The following PTPRD variants were observed in gnomAD, a reference collection of about 807,000 sequenced individuals.
PTPRD encodes receptor-type tyrosine-protein phosphatase delta.
PTPRD carries 34 observed loss-of-function variants against 214.5 expected under a neutral mutation model. The ratio of observed to expected loss-of-function variants is 0.16; its 90% CI spans 0.12 to 0.21. PTPRD has a LOEUF of 0.21. Among genes scored for constraint, PTPRD ranks in the 10% least tolerant of loss-of-function variants. The probability of loss-of-function intolerance (pLI) is 1.00; values close to 1 mark genes in which losing one functional copy is unlikely to be tolerated. For missense variants in PTPRD, 2,545 were observed against 2,398.7 expected, an observed-to-expected ratio of 1.06 and a Z score of -1.27; for synonymous variants, 1,128 against 845.7, an observed-to-expected ratio of 1.33 and a Z score of -5.79.
intron 9 of PTPRD, among the ~76,000 whole-genome samples, chr9:9,350,318 G>T (rs184483229): frequency 2.6e-5 from 4 of 152,126 alleles, no homozygotes; most frequent in African/African-American, 9.6e-5. Flanking sequence ...TAGGTGCAGA[G>T]GTATGTGATA....
At chr9:10,591,850 G>A (rs1459856195) in intron 2 of PTPRD, among the ~76,000 whole-genome samples, 1 of 152,076 alleles carries the variant, frequency 6.6e-6, no homozygotes, top group African/African-American at 2.4e-5. Flanking sequence ...GCCCTAGCAA[G>A]CCCACATGGC....
At chr9:9,819,069 T>C (rs907156188) in intron 5 of PTPRD, among the ~76,000 whole-genome samples, 4 of 152,140 alleles carry the variant, frequency 2.6e-5, no homozygotes, top group African/African-American at 9.7e-5. Context: ...TGTTCCCTGA[T>C]AGGTAGCATA....
At chr9:9,435,214 A>T (rs1282121790) in intron 8 of PTPRD, among the ~76,000 whole-genome samples, 1 of 152,058 alleles carries the variant, frequency 6.6e-6, no homozygotes, top group East Asian at 1.9e-4. Flanking sequence ...TTTAAACTTT[A>T]AAACGCCAGG....
chr9:9,788,082 C>G (rs938239306), intron 5 of PTPRD, among the ~76,000 whole-genome samples: 1 of 151,470 alleles, frequency 6.6e-6, no homozygotes, highest in Non-Finnish European at 1.5e-5. Flanking sequence ...TCGCGCCCAG[C>G]CTGTATACCA....
intron 2 of PTPRD, among the ~76,000 whole-genome samples, chr9:10,548,942 T>C (rs1175278994): frequency 6.6e-6 from 1 of 152,156 alleles, no homozygotes; most frequent in African/African-American, 2.4e-5. Context: ...AACCATTAAA[T>C]CGCAAAGGAA....
rs1476522377 is a variant in PTPRD at position 8,404,465 on chromosome 9, T to A, written c.4210+72A>T. 6 of 1,537,906 alleles carry A rather than the reference T, an allele frequency of 3.9e-6. No individual in the cohort carries two copies. In the Admixed American group the frequency reaches 1.1e-4, roughly 27 times the overall value. On this transcript the variant is annotated intron_variant, in intron 36 of 45. Transcript: ENST00000381196. ...TTTCAGAGATGGTTAATAACCTCAC[T>A]AAAACAATATTCTCATGCACATACT...
intron 10 of PTPRD, among the ~76,000 whole-genome samples, chr9:9,020,114 A>T (rs983241469): frequency 2.0e-5 from 3 of 152,186 alleles, no homozygotes; most frequent in Non-Finnish European, 4.4e-5. Flanking sequence ...TATTATTGTT[A>T]TCTTGATTGT....
chr9:9,131,719 G>T (rs891445223), intron 10 of PTPRD, among the ~76,000 whole-genome samples: 6 of 152,132 alleles, frequency 3.9e-5, no homozygotes, highest in Non-Finnish European at 8.8e-5. Flanking sequence ...AATCTCAATT[G>T]TAAATATCAT....
chr9:8,821,105 C>T (rs2097051745), intron 11 of PTPRD, among the ~76,000 whole-genome samples: 1 of 152,156 alleles, frequency 6.6e-6, no homozygotes, highest in African/African-American at 2.4e-5. Flanking sequence ...CCTTCTTCTC[C>T]TTTTTCACCT....
intron 21 of PTPRD, among the ~76,000 whole-genome samples, chr9:8,515,345 G>A (rs1446278103): frequency 6.6e-6 from 1 of 152,086 alleles, no homozygotes; most frequent in Non-Finnish European, 1.5e-5. Context: ...CTACTATTAT[G>A]ATGATTACAT....
chr9:10,108,755 T>C (rs2098660939), intron 3 of PTPRD, among the ~76,000 whole-genome samples: 1 of 152,072 alleles, frequency 6.6e-6, no homozygotes, highest in South Asian at 2.1e-4. Context: ...AATGTGGTAT[T>C]TGCACACAAA....
Position 9,037,775 on chromosome 9 carries a change from G to A in PTPRD, c.-142-19040C>T, listed in dbSNP as rs138293431. The stretch of plus-strand genomic sequence containing the variant: ...AGCATTTAAGTAAGCTAGGAAGAGT[G>A]GAAAAAGTAGGCTTTTCACCAGGGC... On this transcript the variant is annotated intron_variant, in intron 10 of 45. Transcript: ENST00000381196. Among the ~76,000 whole-genome samples the A allele has an allele frequency of 7.8e-4, 118 of 152,192 alleles. 1 individual carries two copies. The highest frequency in any genetic ancestry group is 1.8e-3 in the Admixed American group (27 of 15,278).
chr9:10,244,346 T>C (rs1024195327), intron 3 of PTPRD, among the ~76,000 whole-genome samples: 1 of 152,120 alleles, frequency 6.6e-6, no homozygotes, highest in South Asian at 2.1e-4. Flanking sequence ...GCCTCTCTTG[T>C]GCCCACCACA....
chr9:10,223,719 G>GAGT (rs2154351053), intron 3 of PTPRD, among the ~76,000 whole-genome samples: 1 of 143,176 alleles, frequency 7.0e-6, no homozygotes, highest in Non-Finnish European at 1.5e-5. Context: ...TAATAAAGTA[G>GAGT]AGTAGTTAAA....
chr9:9,159,086 C>G (rs943591480), intron 10 of PTPRD, among the ~76,000 whole-genome samples: 6 of 152,186 alleles, frequency 3.9e-5, no homozygotes, highest in African/African-American at 9.6e-5. Flanking sequence ...CATGATAAAT[C>G]TATATCTAAC....
intron 6 of PTPRD, among the ~76,000 whole-genome samples, chr9:9,759,643 T>A (rs1159268198): frequency 6.8e-6 from 1 of 146,762 alleles, no homozygotes; most frequent in East Asian, 2.2e-4. Context: ...CTGCAACCTC[T>A]ACCTCCCAGG....
intron 11 of PTPRD, among the ~76,000 whole-genome samples, chr9:8,821,991 T>C (rs1352218203): frequency 6.6e-6 from 1 of 152,128 alleles, no homozygotes; most frequent in African/African-American, 2.4e-5. Flanking sequence ...AAGGCAAAAG[T>C]CTTTAAATAT....
intron 12 of PTPRD, among the ~76,000 whole-genome samples, chr9:8,722,123 CTGTGTGTGTGTGTG>C (rs34720946): frequency 1.2e-4 from 18 of 147,482 alleles, no homozygotes; most frequent in South Asian, 4.5e-4. Flanking sequence ...AAGTATTACT[CTGTGTGTGTGTGTG>C]TGTGTGTGTG....
At chr9:8,700,735 G>A (rs754115824) in intron 12 of PTPRD, 1 of 152,176 alleles carries the variant, frequency 6.6e-6, no homozygotes, top group Non-Finnish European at 1.5e-5. Flanking sequence ...TTGCATTAAT[G>A]CAGACATACA....
Sources: gnomAD v4.1 joint callset for allele counts (sites outside exome capture counted in the v4.1 genomes callset) on GRCh38, gnomAD v4.1.1 for gene constraint, MANE v1.5 for transcripts, NCBI Gene and HGNC (gene_info 2026-07-23, HGNC 2026-07-21) for gene names.